The following TDRD10 variants were observed in gnomAD, a reference collection of about 807,000 sequenced individuals.
TDRD10 encodes the protein tudor domain containing 10.
TDRD10 carries 40 observed loss-of-function variants against 48.0 expected under a neutral mutation model. The observed-to-expected ratio is 0.83, with a 90% confidence interval of 0.65 to 1.09. TDRD10 has a LOEUF of 1.09. TDRD10 is among the 50% of genes least tolerant of loss of function. The pLI, the probability that TDRD10 is intolerant of heterozygous loss-of-function variation, is 0.00. For missense variants in TDRD10, 378 were observed against 434.7 expected, an observed-to-expected ratio of 0.87 and a Z score of 1.16; for synonymous variants, 162 against 170.4, an observed-to-expected ratio of 0.95 and a Z score of 0.38.
chr1:154,536,010 A>T (rs1353684491), intron 6 of TDRD10, among the ~76,000 whole-genome samples: 1 of 152,244 alleles, frequency 6.6e-6, no homozygotes, highest in Non-Finnish European at 1.5e-5. Context: ...ACTGGAGGTT[A>T]TAGGAAAACT....
At chr1:154,521,724 G>A (rs559642551) in intron 6 of TDRD10, among the ~76,000 whole-genome samples, 26 of 152,210 alleles carry the variant, frequency 1.7e-4, no homozygotes, top group Non-Finnish European at 3.2e-4. Context: ...AGGGCCATTA[G>A]GCAATTCAGT....
At chr1:154,543,847 A>G (rs1291724533) in intron 8 of TDRD10, 116 bp from the exon 9 acceptor site, 2 of 1,448,476 alleles carry the variant, frequency 1.4e-6, no homozygotes, top group Non-Finnish European at 1.9e-6. Flanking sequence ...CTTTCTGCTT[A>G]GGGGACTCAT....
chr1:154,545,779 T>C (rs1223193027), intron 11 of TDRD10, among the ~76,000 whole-genome samples: 1 of 150,892 alleles, frequency 6.6e-6, no homozygotes, highest in African/African-American at 2.4e-5. Context: ...GTCTTTTTTT[T>C]TTTTTTTTTG....
Position 154,507,124 on chromosome 1 carries a change from C to T in TDRD10, c.3-117C>T, listed in dbSNP as rs2149310365. ...TGATTCTGGGAGGAGGAAGGGAAGC[C>T]TTTGGTCAGGAAGGGGAATGGAGGT... On this transcript the variant is annotated intron_variant, in intron 2 of 12. Transcript: ENST00000368482. 3.2e-6 allele frequency: 5 copies of T among 1,544,460 alleles called. No individual in the cohort carries two copies. In the East Asian group the frequency reaches 7.1e-5, roughly 22 times the overall value.
intron 4 of TDRD10, among the ~76,000 whole-genome samples, chr1:154,514,625 C>T (rs560932569): frequency 2.3e-4 from 35 of 152,244 alleles, no homozygotes; most frequent in African/African-American, 7.7e-4. Flanking sequence ...GCTCGCACCC[C>T]GGCCAACCCA....
At chr1:154,542,631 G>A (rs1365572336) in intron 7 of TDRD10, 100 bp from the exon 8 acceptor site, 2 of 861,378 alleles carry the variant, frequency 2.3e-6, no homozygotes, top group South Asian at 3.4e-5. Flanking sequence ...CCCATTTTAT[G>A]CTTCCTTGGA....
At chr1:154,503,210 G>T (rs966748042) in intron 1 of TDRD10, among the ~76,000 whole-genome samples, 181 bp downstream of exon 1, 18 of 152,338 alleles carry the variant, frequency 1.2e-4, no homozygotes, top group Non-Finnish European at 1.3e-4. Flanking sequence ...GATTTGTGCG[G>T]GCGGGGAGTG....
intron 6 of TDRD10, among the ~76,000 whole-genome samples, chr1:154,532,102 C>G (rs752760115): frequency 2.0e-5 from 3 of 152,228 alleles, no homozygotes; most frequent in Non-Finnish European, 2.9e-5. Context: ...CTCCTCAGCC[C>G]TTGGGTGGTT....
chr1:154,529,910 C>A (rs1333983008), intron 6 of TDRD10, among the ~76,000 whole-genome samples: 5 of 152,180 alleles, frequency 3.3e-5, no homozygotes, highest in African/African-American at 1.2e-4. Context: ...TAGAGAACTT[C>A]CTTTGGCTGT....
In TDRD10 at chr1:154,544,356, G is replaced by A. The variant is rs368451730; in HGVS notation, c.652-16G>A. ...GCAGTGCAGGCAGTGGGGCCGTTGC[G>A]TTTTGCACCCCACAGGCTCTGCACC... On this transcript the variant is annotated splice_polypyrimidine_tract_variant and intron_variant, in intron 9 of 12. Transcript: ENST00000368482. The A allele has an allele frequency of 4.3e-5, 68 of 1,571,730 alleles. No homozygotes were observed. Among genetic ancestry groups the A allele is most frequent in the Non-Finnish European group, 5.2e-5 (60 of 1,158,202 alleles).
chr1:154,535,127 G>A (rs1036208869), intron 6 of TDRD10, among the ~76,000 whole-genome samples: 33 of 152,182 alleles, frequency 2.2e-4, no homozygotes, highest in Non-Finnish European at 3.7e-4. Flanking sequence ...AGCACTTTGG[G>A]AGGCCGAGGT....
Position 154,526,224 on chromosome 1 carries a change from C to CT in TDRD10, c.369+4747dup, listed in dbSNP as rs1694311387. 4.1e-5 allele frequency among the ~76,000 whole-genome samples: 6 copies of CT among 144,874 alleles called. No individual in the cohort carries two copies. In the East Asian group the frequency reaches 1.2e-3, roughly 29 times the overall value. On this transcript the variant is annotated intron_variant, in intron 6 of 12. Coordinates refer to ENST00000368482, the MANE Select transcript of TDRD10 (RefSeq NM_182499.4). ...ATCTCAAAAAAAAAAAAAAAAGAAA[C>CT]TTGACATTATTGAAATAAAAAAAAA...
intron 4 of TDRD10, among the ~76,000 whole-genome samples, chr1:154,512,116 C>T (rs1445889817): frequency 1.3e-5 from 2 of 152,096 alleles, no homozygotes; most frequent in African/African-American, 4.8e-5. Flanking sequence ...TTCATCACCC[C>T]CAAAATAAAC....
intron 4 of TDRD10, among the ~76,000 whole-genome samples, chr1:154,509,536 G>C (rs947081144): frequency 1.3e-5 from 2 of 152,000 alleles, no homozygotes; most frequent in Non-Finnish European, 1.5e-5. Flanking sequence ...AGCCAGGAGT[G>C]GAATCCAGGC....
chr1:154,546,588 G>A (rs1695600836), intron 11 of TDRD10, among the ~76,000 whole-genome samples: 1 of 151,070 alleles, frequency 6.6e-6, no homozygotes, highest in African/African-American at 2.4e-5. Flanking sequence ...AGTGGGCAGG[G>A]AGCACCACCC....
intron 10 of TDRD10, 23 bp from the exon 11 acceptor site, chr1:154,544,772 G>T (rs1174477653): frequency 2.5e-6 from 4 of 1,612,032 alleles, no homozygotes; most frequent in Non-Finnish European, 3.4e-6. Context: ...ATTGTCCTCT[G>T]TCTTTCTCTT....
At chr1:154,528,944 T>C (rs932023889) in intron 6 of TDRD10, among the ~76,000 whole-genome samples, 4 of 152,242 alleles carry the variant, frequency 2.6e-5, no homozygotes, top group Non-Finnish European at 4.4e-5. Flanking sequence ...ACATAACTTA[T>C]AGCCTACTCT....
chr1:154,539,779 G>A (rs187172390), intron 6 of TDRD10, among the ~76,000 whole-genome samples: 2 of 152,202 alleles, frequency 1.3e-5, no homozygotes, highest in Non-Finnish European at 2.9e-5. Flanking sequence ...TGGTAAAAGA[G>A]ACAAACAAGA....
At chr1:154,508,235 C>T (rs1693256942) in intron 3 of TDRD10, among the ~76,000 whole-genome samples, 188 bp from the exon 4 acceptor site, 1 of 152,134 alleles carries the variant, frequency 6.6e-6, no homozygotes. Flanking sequence ...AAAAGTGAAG[C>T]CAGGTACAGT....
Sources: allele counts gnomAD v4.1 joint callset (sites outside exome capture counted in the v4.1 genomes callset), GRCh38; gene constraint gnomAD v4.1.1; transcripts MANE v1.5; gene names NCBI Gene and HGNC (gene_info 2026-07-23, HGNC 2026-07-21).